The following ZFX variants were observed in gnomAD, a reference collection of about 807,000 sequenced individuals.
ZFX encodes the protein zinc finger X-chromosomal protein.
For synonymous variants in ZFX, 196 were observed against 226.8 expected (o/e 0.86, Z 1.22); for missense variants, 362 against 628.3 (o/e 0.58, Z 4.53).
At chrX:24,176,430 ATTTTTTTTTT>A (rs56241839) in intron 4 of ZFX, among the ~76,000 whole-genome samples, 1 of 66,847 alleles carries the variant, frequency 1.5e-5, no homozygotes, top group Admixed American at 2.1e-4. Flanking sequence ...TTGGCCTTTG[ATTTTTTTTTT>A]TTTTTTTTTT....
chrX:24,181,321 A>G (rs1385028291), intron 5 of ZFX, among the ~76,000 whole-genome samples: 1 of 112,098 alleles, frequency 8.9e-6, no homozygotes, highest in Non-Finnish European at 1.9e-5. Context: ...AAATAAATAC[A>G]TACATAAGAC....
chrX:24,179,136 G>T, intron 4 of ZFX, 47 bp from the exon 5 acceptor site: 1 of 1,069,949 alleles, frequency 9.3e-7, no homozygotes, highest in Non-Finnish European at 1.3e-6. Flanking sequence ...GTTAATTGTA[G>T]TCATGCATAC....
chrX:24,205,982 GTCTC>G (rs774440625), intron 5 of ZFX, among the ~76,000 whole-genome samples: 98 of 104,862 alleles, frequency 9.3e-4, no homozygotes, highest in African/African-American at 2.6e-3. Context: ...CTCCCCTTCT[GTCTC>G]TCTCTGTTTG....
intron 3 of ZFX, among the ~76,000 whole-genome samples, chrX:24,160,717 C>T (rs1569125084): frequency 1.8e-5 from 2 of 111,612 alleles, no homozygotes; most frequent in African/African-American, 6.5e-5. Context: ...GTGTTGGGAA[C>T]GTTCAGAATC....
chrX:24,159,146 A>G (rs1242108275), intron 3 of ZFX, among the ~76,000 whole-genome samples: 2 of 110,672 alleles, frequency 1.8e-5, no homozygotes, highest in African/African-American at 6.6e-5. Context: ...ATGTGCCACC[A>G]TGCTGGCCTG....
At chrX:24,197,341 A>G (rs184869813) in intron 5 of ZFX, among the ~76,000 whole-genome samples, 168 of 111,691 alleles carry the variant, frequency 1.5e-3, no homozygotes, top group African/African-American at 5.2e-3. Flanking sequence ...TTACAAGGCA[A>G]TAGGGGCAGT....
intron 5 of ZFX, among the ~76,000 whole-genome samples, chrX:24,201,231 T>C (rs1055625201): frequency 5.3e-5 from 6 of 112,426 alleles, no homozygotes; most frequent in African/African-American, 1.6e-4. Flanking sequence ...GTGGGATAAA[T>C]GTTCAAGGTG....
chrX:24,201,835 G>T (rs1937319534), intron 5 of ZFX, among the ~76,000 whole-genome samples: 1 of 112,305 alleles, frequency 8.9e-6, no homozygotes, highest in South Asian at 3.6e-4. Context: ...CTTTAATTTA[G>T]ATAGTTATGT....
At chrX:24,181,590 A>G (rs192643216) in intron 5 of ZFX, among the ~76,000 whole-genome samples, 1 of 112,293 alleles carries the variant, frequency 8.9e-6, no homozygotes. Context: ...ACACTTTTAT[A>G]TCTTTGTGTA....
At chrX:24,162,071 A>T (rs1272730060) in intron 3 of ZFX, among the ~76,000 whole-genome samples, 1 of 107,677 alleles carries the variant, frequency 9.3e-6, no homozygotes, top group Non-Finnish European at 1.9e-5. Flanking sequence ...AAAAAAAAAA[A>T]GAAATCTCTA....
chrX:24,181,327 A>C (rs1283126775), intron 5 of ZFX, among the ~76,000 whole-genome samples: 5 of 111,945 alleles, frequency 4.5e-5, no homozygotes, highest in African/African-American at 1.6e-4. Flanking sequence ...ATACATACAT[A>C]AGACCATTAT....
At position 24,210,367 on chromosome X, in the gene ZFX, G is replaced by A. The variant is rs767840780; in HGVS notation, c.1409G>A (p.Ser470Asn). 4.1e-6 allele frequency: 5 copies of A among 1,211,834 alleles called. No individual in the cohort carries two copies. Among genetic ancestry groups the A allele is most frequent in the South Asian group, 1.8e-5 (1 of 56,989 alleles). ...DCDYTTNKKISLHNHLESHKL... is the reference protein window; with the variant it reads ...DCDYTTNKKINLHNHLESHKL... ...GATTACACTACCAACAAGAAGATAA[G>A]TTTACACAACCACCTGGAGAGCCAC... is the stretch of plus-strand genomic sequence containing the variant. The change falls in exon 10 of 10, where the codon AGT becomes AAT. Residue 470 changes from serine (S) to asparagine (N), a missense_variant. By Grantham distance (46) the Ser-to-Asn change is conservative. Transcript: ENST00000304543.
chrX:24,200,238 G>T (rs1937203629), intron 5 of ZFX, among the ~76,000 whole-genome samples: 1 of 111,392 alleles, frequency 9.0e-6, no homozygotes, highest in Non-Finnish European at 1.9e-5. Flanking sequence ...CATTTGAGGG[G>T]AGATGAGAAT....
intron 3 of ZFX, among the ~76,000 whole-genome samples, chrX:24,156,747 T>C (rs2147255071): frequency 9.5e-6 from 1 of 105,001 alleles, no homozygotes; most frequent in East Asian, 3.1e-4. Context: ...CTTCACCTCC[T>C]GGGCTCACGC....
chrX:24,171,302 T>C (rs1323201199), intron 3 of ZFX, among the ~76,000 whole-genome samples: 1 of 111,244 alleles, frequency 9.0e-6, no homozygotes, highest in African/African-American at 3.3e-5. Flanking sequence ...GAAGGATCCC[T>C]GAATCAAATA....
At chrX:24,185,754 T>G (rs1215128006) in intron 5 of ZFX, among the ~76,000 whole-genome samples, 1 of 112,423 alleles carries the variant, frequency 8.9e-6, no homozygotes. Flanking sequence ...CCGGCCTTAA[T>G]GATGCATTTT....
At chrX:24,200,452 A>G (rs960281699) in intron 5 of ZFX, among the ~76,000 whole-genome samples, 2 of 112,214 alleles carry the variant, frequency 1.8e-5, no homozygotes, top group African/African-American at 3.2e-5. Context: ...ATGAAACAAA[A>G]GAAGGGGTAG....
intron 5 of ZFX, among the ~76,000 whole-genome samples, chrX:24,206,526 TGTGTGTGTGTGTGTGTGTGTGTGTA>T (rs1469313935): frequency 3.1e-5 from 3 of 96,815 alleles, no homozygotes; most frequent in African/African-American, 8.1e-5. Context: ...TGTGTGTGTG[TGTGTGTGTGTGTGTGTGTGTGTGTA>T]TTTTTTTTTT....
chrX:24,181,804 C>T (rs1395264323), intron 5 of ZFX, among the ~76,000 whole-genome samples: 1 of 111,279 alleles, frequency 9.0e-6, no homozygotes, highest in Non-Finnish European at 1.9e-5. Context: ...TTTTAGTTTT[C>T]GCCATTCTGA....
Sources: allele counts gnomAD v4.1 joint callset (sites outside exome capture counted in the v4.1 genomes callset), GRCh38; gene constraint gnomAD v4.1.1; transcripts MANE v1.5; gene names NCBI Gene and HGNC (gene_info 2026-07-23, HGNC 2026-07-21).